Variants in GAREM1 observed in about 807,000 individuals in gnomAD.
GAREM1 encodes the protein GRB2-associated and regulator of MAPK protein 1.
Under a neutral mutation model 71.3 loss-of-function variants are expected in GAREM1, and 26 were observed. The observed-to-expected ratio is 0.36, with a 90% CI of 0.27 to 0.51. The LOEUF (loss-of-function observed/expected upper bound fraction) is 0.51. Ranked by LOEUF, GAREM1 falls within the 20% of genes least tolerant of loss-of-function variation. GAREM1 has a pLI of 0.95. For missense variants in GAREM1, 1,026 were observed against 1,103.1 expected (o/e 0.93, Z 0.99); for synonymous variants, 440 against 433.2 (o/e 1.02, Z -0.20).
intron 2 of GAREM1, among the ~76,000 whole-genome samples, chr18:32,340,288 A>G (rs1193701254): frequency 6.6e-6 from 1 of 152,192 alleles, no homozygotes; most frequent in Non-Finnish European, 1.5e-5. Flanking sequence ...CAATCACTCA[A>G]AGAAGTATGT....
intron 1 of GAREM1, among the ~76,000 whole-genome samples, chr18:32,411,891 T>C (rs1356361031): frequency 6.6e-6 from 1 of 151,980 alleles, no homozygotes; most frequent in Non-Finnish European, 1.5e-5. Context: ...AAAAAAGACA[T>C]TTATTCAGCG....
intron 5 of GAREM1, 76 bp from the exon 6 acceptor site, chr18:32,268,844 G>A (rs1195139539): frequency 3.6e-5 from 45 of 1,239,582 alleles, no homozygotes; most frequent in South Asian, 7.3e-5. Context: ...ATTTATAGAC[G>A]TTACTGCTGA....
intron 5 of GAREM1, 142 bp from the exon 6 acceptor site, chr18:32,268,910 T>G (rs1328217221): frequency 1.8e-6 from 1 of 560,090 alleles, no homozygotes; most frequent in Non-Finnish European, 3.0e-6. Flanking sequence ...CTTCACTGGG[T>G]TTTTTTTTTA....
At chr18:32,406,390 C>A (rs1567998679) in intron 1 of GAREM1, among the ~76,000 whole-genome samples, 1 of 152,040 alleles carries the variant, frequency 6.6e-6, no homozygotes, top group Non-Finnish European at 1.5e-5. Context: ...TGTAAACAAA[C>A]AAGAACTGTT....
intron 3 of GAREM1, among the ~76,000 whole-genome samples, chr18:32,294,249 A>G (rs1166927555): frequency 1.3e-5 from 2 of 152,160 alleles, no homozygotes; most frequent in Non-Finnish European, 2.9e-5. Flanking sequence ...GATTCAATTC[A>G]CCCTCACATG....
At position 32,287,439 on chromosome 18, in the gene GAREM1, G is replaced by A. The variant is rs2047034251; in HGVS notation, c.1158C>T (p.Leu386=). The A allele has an allele frequency of 1.2e-6, 2 of 1,614,230 alleles. No homozygotes were observed. Among genetic ancestry groups the A allele is most frequent in the Non-Finnish European group, 1.7e-6 (2 of 1,180,046 alleles). The change falls in exon 4 of 6, where the codon CTC becomes CTT. Residue 386 remains leucine (L), a synonymous_variant. Transcript: ENST00000269209. The surrounding 1 kb of genome is among the most constrained non-coding windows in gnomAD (Gnocchi z 5.9). Reference sequence around the variant, plus strand: ...GATTGTTGCCATACACACAGACCGAGAGTCGGTGGAAGGACTGGGTGAGCT... The same window carrying A: ...GATTGTTGCCATACACACAGACCGAAAGTCGGTGGAAGGACTGGGTGAGCT... ...RDELTQSFHR[L]SVCVYGNNLH... is the part of the protein sequence containing the mutation.
Position 32,264,985 on chromosome 18 carries a change from G to A in GAREM1, c.*2886C>T, listed in dbSNP as rs994313432. On this transcript the variant is annotated 3_prime_UTR_variant, in exon 6 of 6. Coordinates refer to ENST00000269209, the MANE Select transcript of GAREM1 (RefSeq NM_001242409.2). ...TGACCTGGCTGGTTAGAAGGGTTCT[G>A]TGTGTGGATCTCTGGGCATCACTTT... 6.6e-6 allele frequency: 1 copy of A among 152,260 alleles called. No individual in the cohort carries two copies. Among genetic ancestry groups the A allele is most frequent in the Non-Finnish European group, 1.5e-5 (1 of 68,064 alleles). 9.4% of individuals were successfully genotyped at this position (152,260 alleles called of 1,614,324 possible).
intron 3 of GAREM1, among the ~76,000 whole-genome samples, chr18:32,296,063 T>C (rs1243387854): frequency 2.0e-5 from 3 of 151,888 alleles, no homozygotes; most frequent in African/African-American, 4.8e-5. Context: ...CCTAGGTTCA[T>C]GTGATTCTCC....
intron 1 of GAREM1, among the ~76,000 whole-genome samples, chr18:32,451,284 T>C (rs2048838673): frequency 8.1e-6 from 1 of 122,768 alleles, no homozygotes; most frequent in African/African-American, 3.2e-5. Context: ...TCATCTCAAC[T>C]GTGAAGACCA....
At chr18:32,384,224 C>A (rs1025144517) in intron 2 of GAREM1, among the ~76,000 whole-genome samples, 2 of 152,152 alleles carry the variant, frequency 1.3e-5, no homozygotes, top group Non-Finnish European at 2.9e-5. Context: ...GAAGCTTCTA[C>A]CACATGGTGA....
At chr18:32,309,720 G>A (rs1048125064) in intron 3 of GAREM1, among the ~76,000 whole-genome samples, 1 of 149,224 alleles carries the variant, frequency 6.7e-6, no homozygotes, top group African/African-American at 2.5e-5. Context: ...TATATATAGT[G>A]AAATAGATAG....
chr18:32,314,510 G>A lies in GAREM1; in HGVS notation c.263-4187C>T, dbSNP rs116347940. Among the ~76,000 whole-genome samples, 200 of 152,190 alleles carry A rather than the reference G, an allele frequency of 1.3e-3. 1 individual carries two copies. The highest frequency in any genetic ancestry group is 4.0e-3 in the African/African-American group (165 of 41,528). On this transcript the variant is annotated intron_variant, in intron 2 of 5. Coordinates refer to ENST00000269209, the MANE Select transcript of GAREM1 (RefSeq NM_001242409.2). ...GACGCATCCAAAGTATTCAGCACAA[G>A]TGACCATTCAACAACTCCTAGCTTC...
chr18:32,331,272 A>G (rs1212865873), intron 2 of GAREM1, among the ~76,000 whole-genome samples: 1 of 152,228 alleles, frequency 6.6e-6, no homozygotes, highest in African/African-American at 2.4e-5. Context: ...AACTGGTGTC[A>G]GAGGCTGTGA....
intron 2 of GAREM1, among the ~76,000 whole-genome samples, chr18:32,319,256 A>G (rs530877855): frequency 6.6e-6 from 1 of 152,352 alleles, no homozygotes; most frequent in South Asian, 2.1e-4. Context: ...TTCTCAAGTG[A>G]CAGAAACAAG....
intron 1 of GAREM1, among the ~76,000 whole-genome samples, chr18:32,414,036 A>G (rs1179384930): frequency 6.6e-6 from 1 of 152,168 alleles, no homozygotes; most frequent in Admixed American, 6.6e-5. Context: ...TATAGCCATG[A>G]GAGTTCACAA....
At position 32,341,539 on chromosome 18, in the gene GAREM1, T is replaced by C. The variant is rs1304904697; in HGVS notation, c.263-31216A>G. Among the ~76,000 whole-genome samples the C allele has an allele frequency of 2.6e-5, 4 of 152,236 alleles. No individual in the cohort carries two copies. In the East Asian group the frequency reaches 5.8e-4, roughly 22 times the overall value. On this transcript the variant is annotated intron_variant, in intron 2 of 5. Coordinates refer to ENST00000269209, the MANE Select transcript of GAREM1 (RefSeq NM_001242409.2). ...AAATGGTATTTCTAGTTCTAGATCC[T>C]TGAGGAATCATCACACTATCTTCCA...
chr18:32,345,378 C>A (rs1195573566), intron 2 of GAREM1, among the ~76,000 whole-genome samples: 1 of 152,060 alleles, frequency 6.6e-6, no homozygotes, highest in Non-Finnish European at 1.5e-5. Context: ...GAAATCTAAA[C>A]CCAAACTAAA....
At chr18:32,396,766 G>A (rs963000626) in intron 1 of GAREM1, among the ~76,000 whole-genome samples, 3 of 152,140 alleles carry the variant, frequency 2.0e-5, no homozygotes, top group Admixed American at 6.5e-5. Context: ...CCCCAATCTA[G>A]CAAGGCCGGC....
chr18:32,408,619 C>CCGA (rs2048387378), intron 1 of GAREM1, among the ~76,000 whole-genome samples: 1 of 152,130 alleles, frequency 6.6e-6, no homozygotes, highest in Non-Finnish European at 1.5e-5. Flanking sequence ...GCTTCTGTAT[C>CCGA]CATTTGACCA....
Sources: gnomAD v4.1 joint callset for allele counts (sites outside exome capture counted in the v4.1 genomes callset) on GRCh38, gnomAD v4.1.1 for gene constraint, Gnocchi (gnomAD v3.1) non-coding constraint, MANE v1.5 for transcripts, NCBI Gene and HGNC (gene_info 2026-07-23, HGNC 2026-07-21) for gene names.